Variants in SOAT2 observed in about 807,000 individuals in gnomAD.
SOAT2 encodes sterol O-acyltransferase 2.
SOAT2 carries 87 observed loss-of-function variants against 76.0 expected under a neutral mutation model. That is an observed-to-expected ratio of 1.14 (90% CI 0.96 to 1.37). SOAT2 has a LOEUF of 1.37. SOAT2 is among the 40% of genes most tolerant of loss of function. The pLI is 0.00. For missense variants in SOAT2, 686 were observed against 682.1 expected, an observed-to-expected ratio of 1.01 and a Z score of -0.06; for synonymous variants, 285 against 275.4, an observed-to-expected ratio of 1.03 and a Z score of -0.34.
At chr12:53,122,509 T>C (rs551149199) in intron 12 of SOAT2, among the ~76,000 whole-genome samples, 116 of 150,758 alleles carry the variant, frequency 7.7e-4, no homozygotes, top group Middle Eastern at 6.8e-3. Context: ...CCCTGGGTAC[T>C]TAAGATTAGG....
intron 5 of SOAT2, among the ~76,000 whole-genome samples, chr12:53,107,355 G>T (rs1451145260): frequency 6.6e-6 from 1 of 152,074 alleles, no homozygotes; most frequent in East Asian, 1.9e-4. Flanking sequence ...ATAATAGTAT[G>T]TAACAGTACA....
chr12:53,114,074 T>C lies in SOAT2; in HGVS notation c.444-1316T>C, dbSNP rs540497808. 2.5e-4 allele frequency among the ~76,000 whole-genome samples: 38 copies of C among 152,296 alleles called. No homozygotes were observed. In the East Asian group the frequency reaches 7.1e-3, roughly 29 times the overall value. Reference sequence around the variant, plus strand: ...GCCTTTGTATAAGGGCACTGGCTTTTAATATTTAACTTAACCACTCTATCA... The same window carrying C: ...GCCTTTGTATAAGGGCACTGGCTTTCAATATTTAACTTAACCACTCTATCA... On this transcript the variant is annotated intron_variant, in intron 5 of 14. Coordinates refer to ENST00000301466, the MANE Select transcript of SOAT2 (RefSeq NM_003578.4).
chr12:53,119,172 G>T lies in SOAT2; in HGVS notation c.958G>T (p.Val320Phe). The part of the protein sequence containing the change: ...YACFILGRLC[V>F]PVFANMSREP... The stretch of plus-strand genomic sequence containing the variant: ...CTGCTTCATCCTGGGCCGCCTCTGT[G>T]TTCCTGTCTTTGCCAACATGAGCCG... The change falls in exon 10 of 15, where the codon GTT (valine) becomes TTT (phenylalanine). Residue 320 changes from valine (V) to phenylalanine (F), a missense_variant. Transcript: ENST00000301466. The T allele has an allele frequency of 2.5e-6, 4 of 1,613,844 alleles. No homozygotes were observed. The East Asian group carries it at 8.9e-5, about 36-fold the overall frequency.
chr12:53,115,983 C>A, intron 6 of SOAT2, 114 bp from the exon 7 acceptor site: 1 of 920,182 alleles, frequency 1.1e-6, no homozygotes, highest in Non-Finnish European at 1.8e-6. Context: ...TGGGCTCTGA[C>A]CAGACAGATC....
At chr12:53,111,174 C>T (rs1318819885) in intron 5 of SOAT2, among the ~76,000 whole-genome samples, 1 of 151,078 alleles carries the variant, frequency 6.6e-6, no homozygotes, top group Non-Finnish European at 1.5e-5. Context: ...GGCGTGATCT[C>T]GGCTCACTGC....
At chr12:53,104,267 T>C (rs1170569968) in intron 2 of SOAT2, 61 bp downstream of exon 2, 2 of 1,182,486 alleles carry the variant, frequency 1.7e-6, no homozygotes, top group African/African-American at 3.1e-5. Flanking sequence ...GAAGCAGGAG[T>C]GAGGCTTGGT....
intron 5 of SOAT2, among the ~76,000 whole-genome samples, chr12:53,109,996 T>A (rs1414360581): frequency 6.6e-6 from 1 of 152,234 alleles, no homozygotes; most frequent in African/African-American, 2.4e-5. Context: ...CTTTAGCCAA[T>A]ATGTTTACAC....
Position 53,123,766 on chromosome 12 carries a change from C to T in SOAT2, c.1411C>T (p.Pro471Ser), listed in dbSNP as rs747083231. ...CATGATGCATGACCAGCGCACCGGC[C>T]CGGCATGGAACGTGCTGATGTGGAC... ...NFMMHDQRTGPAWNVLMWTML... is the reference protein window; with the variant it reads ...NFMMHDQRTGSAWNVLMWTML... The change falls in exon 14 of 15, where the codon CCG (proline) becomes TCG (serine). Residue 471 changes from proline (P) to serine (S), a missense_variant. By Grantham distance (74) the Pro-to-Ser change is moderately conservative. Coordinates refer to ENST00000301466, the MANE Select transcript of SOAT2 (RefSeq NM_003578.4). 4 of 1,614,022 alleles carry T rather than the reference C, an allele frequency of 2.5e-6. No homozygotes were observed. Among genetic ancestry groups the T allele is most frequent in the Non-Finnish European group, 3.4e-6 (4 of 1,180,032 alleles).
At chr12:53,111,482 C>T (rs925641059) in intron 5 of SOAT2, among the ~76,000 whole-genome samples, 1 of 152,108 alleles carries the variant, frequency 6.6e-6, no homozygotes, top group Non-Finnish European at 1.5e-5. Flanking sequence ...GTGGACTAGA[C>T]TAAGGCCACA....
chr12:53,113,928 A>G (rs1340716354), intron 5 of SOAT2, among the ~76,000 whole-genome samples: 1 of 152,170 alleles, frequency 6.6e-6, no homozygotes, highest in Non-Finnish European at 1.5e-5. Flanking sequence ...CAGAATCCCA[A>G]TAAACTCATT....
chr12:53,115,720 G>C, intron 6 of SOAT2, 66 bp downstream of exon 6: 1 of 1,441,984 alleles, frequency 6.9e-7, no homozygotes, highest in Non-Finnish European at 9.1e-7. Flanking sequence ...AGCAGAGGGG[G>C]AGTCCCCCAA....
At chr12:53,123,297 G>T in intron 13 of SOAT2, 81 bp downstream of exon 13, 1 of 1,562,494 alleles carries the variant, frequency 6.4e-7, no homozygotes. Context: ...CAGACTGATG[G>T]TGGGAGGCCT....
rs765956920 is a variant in SOAT2, at chr12:53,123,847, G to A, written c.1492G>A (p.Ala498Thr). 28 of 1,614,108 alleles carry A rather than the reference G, an allele frequency of 1.7e-5. No individual in the cohort carries two copies. Among genetic ancestry groups the A allele is most frequent in the East Asian group, 2.2e-5 (1 of 44,872 alleles). ...QVSLYCQEWY[A>T]RRHCPLPQAT... Reference sequence around the variant, plus strand: ...CAGCCTGTACTGCCAGGAGTGGTACGCACGGCGGCACTGCCCCTTACCCCA... The same window carrying A: ...CAGCCTGTACTGCCAGGAGTGGTACACACGGCGGCACTGCCCCTTACCCCA... Residue 498 changes from alanine (A) to threonine (T), a missense_variant, in exon 14 of 15, where the codon GCA (alanine) becomes ACA (threonine). Coordinates refer to ENST00000301466, the MANE Select transcript of SOAT2 (RefSeq NM_003578.4).
Position 53,105,231 on chromosome 12 carries a change from G to C in SOAT2, c.263G>C (p.Gly88Ala), listed in dbSNP as rs756978945. ...AAACCTCTGCCCCCACCTCCCCCAG[G>C]TTCCTTGAGCAGGTGAGTCTGGGGA... Reference protein sequence around the residue: ...QDKPLPPPPPGSLSRTQEPSL... With the variant: ...QDKPLPPPPPASLSRTQEPSL... The change falls in exon 3 of 15, where the codon GGT becomes GCT. Residue 88 changes from glycine to alanine, a missense_variant. Transcript: ENST00000301466. The C allele has an allele frequency of 1.9e-6, 3 of 1,604,182 alleles. No homozygotes were observed. The highest frequency in any genetic ancestry group is 2.6e-6 in the Non-Finnish European group (3 of 1,175,620).
At chr12:53,113,507 C>T (rs7315995) in intron 5 of SOAT2, among the ~76,000 whole-genome samples, 8,286 of 152,220 alleles carry the variant, frequency 0.054, 330 homozygotes, top group East Asian at 0.15. Context: ...AACACAGCAC[C>T]ATCCCGGTCT....
chr12:53,121,133 C>T (rs955715432), intron 11 of SOAT2, among the ~76,000 whole-genome samples, 170 bp from the exon 12 acceptor site: 1 of 152,178 alleles, frequency 6.6e-6, no homozygotes, highest in Non-Finnish European at 1.5e-5. Flanking sequence ...AGGACAGGGC[C>T]TCCGTGACCT....
chr12:53,104,105 A>C, intron 1 of SOAT2, 46 bp from the exon 2 acceptor site: 1 of 1,559,174 alleles, frequency 6.4e-7, no homozygotes, highest in Non-Finnish European at 8.8e-7. Flanking sequence ...GGGTCTGCAG[A>C]ACCCCAATTC....
At position 53,119,119 on chromosome 12, in the gene SOAT2, T is replaced by C. The variant is rs749061629; in HGVS notation, c.910-5T>C. ...TCCAGTTATGTGTCCCCATGCCCCC[T>C]CCAGGCCCTGGGATGTGTGCTCTAT... is the stretch of plus-strand genomic sequence containing the variant. On this transcript the variant is annotated splice_region_variant and splice_polypyrimidine_tract_variant and intron_variant, in intron 9 of 14. Coordinates refer to ENST00000301466, the MANE Select transcript of SOAT2 (RefSeq NM_003578.4). 6.2e-7 allele frequency: 1 copy of C among 1,613,892 alleles called. No individual in the cohort carries two copies. The highest frequency in any genetic ancestry group is 8.5e-7 in the Non-Finnish European group (1 of 1,179,910).
rs906354702 is a variant in SOAT2 at position 53,124,348 on chromosome 12, C to A, written c.*225C>A. On this transcript the variant is annotated 3_prime_UTR_variant, in exon 15 of 15. Coordinates refer to ENST00000301466, the MANE Select transcript of SOAT2 (RefSeq NM_003578.4). Reference sequence around the variant, plus strand: ...ACCAGGGTGACTCTTCAATCCCTATCCCCATGGGCTGGGTACAGGATATCC... The same window carrying A: ...ACCAGGGTGACTCTTCAATCCCTATACCCATGGGCTGGGTACAGGATATCC... 5 of 597,084 alleles carry A rather than the reference C, an allele frequency of 8.4e-6. No homozygotes were observed. Among genetic ancestry groups the A allele is most frequent in the Non-Finnish European group, 9.0e-6 (3 of 334,162 alleles). 37.0% of individuals were successfully genotyped at this position (597,084 alleles called of 1,614,324 possible).
Sources: allele counts gnomAD v4.1 joint callset (sites outside exome capture counted in the v4.1 genomes callset), GRCh38; gene constraint gnomAD v4.1.1; transcripts MANE v1.5; gene names NCBI Gene and HGNC (gene_info 2026-07-23, HGNC 2026-07-21).